Variants in GRIN3A observed in about 807,000 individuals in gnomAD.
The protein encoded by GRIN3A is glutamate ionotropic receptor NMDA type subunit 3A.
GRIN3A carries 47 observed loss-of-function variants against 92.4 expected under a neutral mutation model. That is an observed-to-expected ratio of 0.51 (90% CI 0.40 to 0.65). GRIN3A has a LOEUF of 0.65. Among genes scored for constraint, GRIN3A ranks in the 30% least tolerant of loss-of-function variants. GRIN3A has a pLI of 0.00. For missense variants in GRIN3A, 1,324 were observed against 1,393.1 expected, an observed-to-expected ratio of 0.95 and a Z score of 0.79; for synonymous variants, 527 against 540.6, an observed-to-expected ratio of 0.97 and a Z score of 0.35.
At chr9:101,666,733 C>A (rs186755269) in intron 3 of GRIN3A, among the ~76,000 whole-genome samples, 13 of 152,136 alleles carry the variant, frequency 8.5e-5, no homozygotes, top group Non-Finnish European at 1.6e-4. Context: ...TTGAATGTAC[C>A]AGCATCTTCT....
At chr9:101,642,770 A>AC (rs566750194) in intron 3 of GRIN3A, among the ~76,000 whole-genome samples, 30 of 152,044 alleles carry the variant, frequency 2.0e-4, no homozygotes, top group Non-Finnish European at 4.1e-4. Flanking sequence ...AGGAGCATGA[A>AC]CCCTATTGTG....
At chr9:101,619,682 A>G (rs1410726987) in intron 5 of GRIN3A, among the ~76,000 whole-genome samples, 1 of 152,200 alleles carries the variant, frequency 6.6e-6, no homozygotes, top group African/African-American at 2.4e-5. Flanking sequence ...CATTGCATTA[A>G]ATAATTATTG....
intron 5 of GRIN3A, among the ~76,000 whole-genome samples, chr9:101,618,498 T>C (rs914086976): frequency 2.6e-5 from 4 of 152,100 alleles, no homozygotes; most frequent in African/African-American, 9.7e-5. Flanking sequence ...CACAATGACA[T>C]ACCATCTCAC....
Position 101,687,057 on chromosome 9 carries a change from G to A in GRIN3A, c.843C>T (p.Leu281=), listed in dbSNP as rs758825462. The change falls in exon 2 of 9, where the codon CTC becomes CTT. Residue 281 remains leucine, a synonymous_variant. Transcript: ENST00000361820. The part of the protein sequence containing the change: ...QEDWNITDFL[L]LTQNNSKFHL... ...GGAACTTGGAATTATTCTGGGTAAG[G>A]AGGAGGAAGTCGGTGATGTTCCAGT... The A allele has an allele frequency of 2.5e-6, 4 of 1,614,020 alleles. No individual in the cohort carries two copies. Among genetic ancestry groups the A allele is most frequent in the Non-Finnish European group, 3.4e-6 (4 of 1,180,014 alleles).
intron 1 of GRIN3A, among the ~76,000 whole-genome samples, chr9:101,715,863 G>A (rs1044447956): frequency 6.6e-6 from 1 of 152,154 alleles, no homozygotes. Flanking sequence ...GGAAATATAT[G>A]TTAAGGTGGT....
rs548244574 is a variant in GRIN3A at position 101,668,738 on chromosome 9, G to T, written c.2352+1322C>A. On this transcript the variant is annotated intron_variant, in intron 3 of 8. Transcript: ENST00000361820. ...CTCATGAGGTTCATGTCACTTATCA[G>T]AAGGTTTGCAATATATGGGTCAAAT... is the stretch of plus-strand genomic sequence containing the variant. Among the ~76,000 whole-genome samples the T allele has an allele frequency of 3.9e-5, 6 of 152,268 alleles. No individual in the cohort carries two copies. In the South Asian group the frequency reaches 1.2e-3, roughly 32 times the overall value.
intron 1 of GRIN3A, 147 bp from the exon 2 acceptor site, chr9:101,687,347 T>C (rs1429275144): frequency 1.2e-6 from 1 of 802,090 alleles, no homozygotes; most frequent in African/African-American, 1.7e-5. Context: ...TTTGGAAAAC[T>C]ATGCTTCCTG....
At chr9:101,601,820 G>A (rs1444421215) in intron 6 of GRIN3A, among the ~76,000 whole-genome samples, 2 of 152,098 alleles carry the variant, frequency 1.3e-5, no homozygotes, top group African/African-American at 4.8e-5. Context: ...CTGGATTCGG[G>A]GTTCACTCTT....
At chr9:101,713,895 G>A (rs1829911788) in intron 1 of GRIN3A, among the ~76,000 whole-genome samples, 1 of 152,044 alleles carries the variant, frequency 6.6e-6, no homozygotes, top group Non-Finnish European at 1.5e-5. Context: ...GGGCAACAGA[G>A]TGGAGCCCCC....
intron 1 of GRIN3A, among the ~76,000 whole-genome samples, chr9:101,725,710 G>A (rs1459475831): frequency 2.0e-5 from 3 of 152,184 alleles, no homozygotes; most frequent in African/African-American, 7.2e-5. Context: ...ACTAAAAATT[G>A]TGTTATGGAT....
At chr9:101,642,676 A>G (rs1828881840) in intron 3 of GRIN3A, among the ~76,000 whole-genome samples, 1 of 152,142 alleles carries the variant, frequency 6.6e-6, no homozygotes, top group Non-Finnish European at 1.5e-5. Context: ...ATGAAGCTTC[A>G]TCTGTATTTA....
chr9:101,686,083 G>T (rs1829529976), intron 2 of GRIN3A, among the ~76,000 whole-genome samples: 1 of 152,108 alleles, frequency 6.6e-6, no homozygotes, highest in African/African-American at 2.4e-5. Flanking sequence ...AGGGAGAAAA[G>T]TCCATTTCTT....
intron 2 of GRIN3A, among the ~76,000 whole-genome samples, chr9:101,680,274 G>A (rs1365952951): frequency 1.3e-5 from 2 of 152,128 alleles, no homozygotes; most frequent in Non-Finnish European, 2.9e-5. Context: ...TAATGTTCAG[G>A]AATAAATTGT....
At chr9:101,664,981 GC>G (rs1239923139) in intron 3 of GRIN3A, among the ~76,000 whole-genome samples, 1 of 151,650 alleles carries the variant, frequency 6.6e-6, no homozygotes, top group East Asian at 1.9e-4. Context: ...TAAGTCAATA[GC>G]TTTTTCATCC....
chr9:101,712,149 C>T (rs1305673017), intron 1 of GRIN3A, among the ~76,000 whole-genome samples: 1 of 152,120 alleles, frequency 6.6e-6, no homozygotes, highest in Non-Finnish European at 1.5e-5. Flanking sequence ...TAAAGTTCTC[C>T]TATTATCCTT....
intron 1 of GRIN3A, among the ~76,000 whole-genome samples, chr9:101,688,568 T>C (rs183931939): frequency 1.5e-4 from 23 of 152,132 alleles, no homozygotes; most frequent in African/African-American, 5.5e-4. Context: ...CTTGATTACA[T>C]GCTAAGTGTT....
chr9:101,686,200 G>A (rs1242041511), intron 2 of GRIN3A, among the ~76,000 whole-genome samples: 1 of 152,118 alleles, frequency 6.6e-6, no homozygotes, highest in Non-Finnish European at 1.5e-5. Context: ...TCTACTATAA[G>A]CTAAGCATGG....
At chr9:101,585,515 T>C (rs1261044498) in intron 6 of GRIN3A, among the ~76,000 whole-genome samples, 3 of 152,190 alleles carry the variant, frequency 2.0e-5, no homozygotes, top group South Asian at 2.1e-4. Flanking sequence ...ATTTTCCCTC[T>C]GAAACCTGCT....
rs528244090 is a variant in GRIN3A at position 101,642,272 on chromosome 9, A to G, written c.2353-13871T>C. ...ATGATGTTATAGAAACTGAATATCCATATGTAAGTGAATAATATTTGCCCT... is the reference window on the plus strand; with the variant it reads ...ATGATGTTATAGAAACTGAATATCCGTATGTAAGTGAATAATATTTGCCCT... On this transcript the variant is annotated intron_variant, in intron 3 of 8. Coordinates refer to ENST00000361820, the MANE Select transcript of GRIN3A (RefSeq NM_133445.3). 9.8e-5 allele frequency among the ~76,000 whole-genome samples: 15 copies of G among 152,326 alleles called. No individual in the cohort carries two copies. The East Asian group carries it at 2.9e-3, about 29-fold the overall frequency.
Sources: allele counts gnomAD v4.1 joint callset (sites outside exome capture counted in the v4.1 genomes callset), GRCh38; gene constraint gnomAD v4.1.1; transcripts MANE v1.5; gene names NCBI Gene and HGNC (gene_info 2026-07-23, HGNC 2026-07-21).